The following CNOT2 variants were observed in gnomAD, a reference collection of about 807,000 sequenced individuals.
CNOT2 encodes the protein CCR4-NOT transcription complex subunit 2, also known as CC chemokine receptor 4-negative regulator of transcription 2.
A neutral mutation model predicts 72.1 loss-of-function variants in CNOT2; 7 were observed. The observed-to-expected ratio is 0.10, with a 90% CI of 0.06 to 0.18. CNOT2 has a LOEUF of 0.18. Ranked by LOEUF, CNOT2 falls within the 10% of genes least tolerant of loss-of-function variation. CNOT2 has a pLI of 1.00. For missense variants in CNOT2, 345 were observed against 660.3 expected (o/e 0.52, Z 5.23); for synonymous variants, 196 against 225.6 (o/e 0.87, Z 1.17).
chr12:70,260,486 C>A (rs1224193417), intron 1 of CNOT2, among the ~76,000 whole-genome samples: 1 of 151,762 alleles, frequency 6.6e-6, no homozygotes, highest in Non-Finnish European at 1.5e-5. Flanking sequence ...GATTTTGTAC[C>A]CTGCAACCTT....
intron 1 of CNOT2, among the ~76,000 whole-genome samples, chr12:70,277,905 TA>T (rs1869125500): frequency 6.6e-6 from 1 of 152,190 alleles, no homozygotes; most frequent in African/African-American, 2.4e-5. Context: ...CAGACAGTCT[TA>T]ATTGAAGAAA....
intron 15 of CNOT2, among the ~76,000 whole-genome samples, chr12:70,347,381 C>G (rs1882310438): frequency 6.6e-6 from 1 of 151,870 alleles, no homozygotes. Context: ...ACCTGTAATC[C>G]CAGCACTTTG....
chr12:70,252,409 A>T (rs897299484), intron 1 of CNOT2, among the ~76,000 whole-genome samples: 4 of 151,884 alleles, frequency 2.6e-5, no homozygotes, highest in Non-Finnish European at 1.5e-5. Flanking sequence ...GTGGTCTTGA[A>T]CTCCTGCGCT....
At chr12:70,343,099 A>G (rs931300902) in intron 13 of CNOT2, among the ~76,000 whole-genome samples, 1 of 152,040 alleles carries the variant, frequency 6.6e-6, no homozygotes, top group Non-Finnish European at 1.5e-5. Context: ...GAGGTCTCCT[A>G]TTTTCTATTT....
rs572727269 is a variant in CNOT2 at position 70,338,700 on chromosome 12, G to A, written c.1056G>A (p.Thr352=). 1.7e-5 allele frequency: 28 copies of A among 1,613,186 alleles called. No individual in the cohort carries two copies. Among genetic ancestry groups the A allele is most frequent in the Admixed American group, 5.0e-5 (3 of 59,924 alleles). The change falls in exon 11 of 16, where the codon ACG becomes ACA. Residue 352 remains threonine, a synonymous_variant. Transcript: ENST00000229195. ...CTAACATTCCTCAAGGGATGGTGAC[G>A]GACCAATTTGGAATGATTGGCCTGT... ...RVTNIPQGMV[T]DQFGMIGLLT... is the part of the protein sequence containing the mutation.
At chr12:70,269,000 C>T (rs1334514257) in intron 1 of CNOT2, among the ~76,000 whole-genome samples, 1 of 152,286 alleles carries the variant, frequency 6.6e-6, no homozygotes, top group African/African-American at 2.4e-5. Context: ...CCATCATTTT[C>T]TTTTTCAAAG....
chr12:70,343,106 A>G (rs1399738669), intron 13 of CNOT2, among the ~76,000 whole-genome samples: 3 of 152,060 alleles, frequency 2.0e-5, no homozygotes, highest in African/African-American at 7.2e-5. Context: ...CCTATTTTCT[A>G]TTTGCGGATT....
intron 2 of CNOT2, among the ~76,000 whole-genome samples, chr12:70,305,719 A>G (rs1241311350): frequency 6.6e-6 from 1 of 152,112 alleles, no homozygotes; most frequent in Non-Finnish European, 1.5e-5. Flanking sequence ...AGTCATGTTG[A>G]GGTGATGATC....
At chr12:70,308,174 A>G (rs1339928513) in intron 2 of CNOT2, among the ~76,000 whole-genome samples, 1 of 152,044 alleles carries the variant, frequency 6.6e-6, no homozygotes, top group African/African-American at 2.4e-5. Flanking sequence ...GCTTGTTTTC[A>G]TCTCAGTTTT....
intron 11 of CNOT2, chr12:70,341,893 C>T (rs1425516821): frequency 5.1e-6 from 3 of 591,846 alleles, no homozygotes; most frequent in Non-Finnish European, 9.0e-6. Context: ...TACTGTATTG[C>T]AAGAATACTG....
rs1883244783 is a variant in CNOT2, at chr12:70,354,490, G to A, written c.*575G>A. 1 of 152,604 alleles carries A rather than the reference G, an allele frequency of 6.6e-6. No homozygotes were observed. The highest frequency in any genetic ancestry group is 6.5e-5 in the Admixed American group (1 of 15,272). The allele number at this position is 152,604 out of a possible 1,614,324, so 9.5% of individuals were successfully genotyped here. On this transcript the variant is annotated 3_prime_UTR_variant, in exon 16 of 16. Transcript: ENST00000229195. ...TCTGACTGTTTAGAAGAAAGATATT[G>A]CCACAATCTCTGGATGGTTTTCCAG... is the stretch of plus-strand genomic sequence containing the variant.
chr12:70,246,500 A>G (rs1957879757), intron 1 of CNOT2, among the ~76,000 whole-genome samples: 1 of 152,170 alleles, frequency 6.6e-6, no homozygotes, highest in Admixed American at 6.5e-5. Context: ...GGAATTACAT[A>G]CAGTGTTAAT....
At chr12:70,353,551 A>C (rs1883133838) in intron 15 of CNOT2, among the ~76,000 whole-genome samples, 1 of 152,106 alleles carries the variant, frequency 6.6e-6, no homozygotes, top group Non-Finnish European at 1.5e-5. Flanking sequence ...TTTAAGTTAA[A>C]AACAATACAC....
intron 3 of CNOT2, among the ~76,000 whole-genome samples, chr12:70,316,702 T>C (rs1357568933): frequency 6.6e-6 from 1 of 152,160 alleles, no homozygotes; most frequent in Non-Finnish European, 1.5e-5. Flanking sequence ...TTGTATATAA[T>C]ATTACACACT....
At chr12:70,318,883 A>G (rs1877809753) in intron 3 of CNOT2, 1 of 155,520 alleles carries the variant, frequency 6.4e-6, no homozygotes, top group East Asian at 1.8e-4. Context: ...TTCTGTGAAC[A>G]TATCTTCAAA....
intron 2 of CNOT2, chr12:70,294,227 T>G (rs1033258288): frequency 7.8e-7 from 1 of 1,289,452 alleles, no homozygotes; most frequent in Non-Finnish European, 1.0e-6. Context: ...CCTTTCCTTC[T>G]TCACTTCAGC....
chr12:70,293,398 A>T (rs1430871001), intron 2 of CNOT2, among the ~76,000 whole-genome samples: 1 of 152,186 alleles, frequency 6.6e-6, no homozygotes, highest in Admixed American at 6.5e-5. Context: ...ACCTCAGGTG[A>T]TCTGCCCGCC....
At chr12:70,311,739 A>G (rs564967165) in intron 3 of CNOT2, among the ~76,000 whole-genome samples, 4 of 152,134 alleles carry the variant, frequency 2.6e-5, no homozygotes, top group African/African-American at 9.6e-5. Flanking sequence ...GCATTCTTAT[A>G]CTTTGTACAC....
rs748811801 is a variant in CNOT2, at chr12:70,339,076, G to GTATA, written c.1178+267_1178+270dup. 1.6e-4 allele frequency among the ~76,000 whole-genome samples: 21 copies of GTATA among 128,630 alleles called. No homozygotes were observed. In the East Asian group the frequency reaches 2.7e-3, roughly 17 times the overall value. The allele number at this position is 128,630 out of a possible 152,430, so 84.4% of individuals were successfully genotyped here. On this transcript the variant is annotated intron_variant, in intron 11 of 15. Transcript: ENST00000229195. ...CATGTGCATGTATATATGTGTGTGT[G>GTATA]TATATATATATATATACACACACAC...
Sources: allele counts gnomAD v4.1 joint callset (sites outside exome capture counted in the v4.1 genomes callset), GRCh38; gene constraint gnomAD v4.1.1; transcripts MANE v1.5; gene names NCBI Gene and HGNC (gene_info 2026-07-23, HGNC 2026-07-21).